Variants in TMEM170B observed in about 807,000 individuals in gnomAD.
TMEM170B encodes the protein transmembrane protein 170B.
In TMEM170B, 6 loss-of-function variants were observed where a neutral mutation model predicts 13.0. The ratio of observed to expected loss-of-function variants is 0.46; its 90% CI spans 0.25 to 0.91. TMEM170B has a LOEUF of 0.91. Ranked by LOEUF, TMEM170B falls within the 40% of genes least tolerant of loss-of-function variation. The pLI is 0.17. For synonymous variants in TMEM170B, 61 were observed against 64.9 expected, an observed-to-expected ratio of 0.94 and a Z score of 0.29; for missense variants, 138 against 165.2, an observed-to-expected ratio of 0.84 and a Z score of 0.90.
At chr6:11,557,437 G>A (rs1267361837) in intron 1 of TMEM170B, among the ~76,000 whole-genome samples, 1 of 151,998 alleles carries the variant, frequency 6.6e-6, no homozygotes, top group Non-Finnish European at 1.5e-5. Flanking sequence ...GTTGGGTGTA[G>A]CAAACCACCA....
At chr6:11,573,406 G>A (rs1167547155) in intron 2 of TMEM170B, among the ~76,000 whole-genome samples, 7 of 152,018 alleles carry the variant, frequency 4.6e-5, no homozygotes, top group African/African-American at 9.7e-5. Context: ...CTACTATGAC[G>A]ACTACTAGCC....
At chr6:11,549,016 AT>A (rs1350272832) in intron 1 of TMEM170B, among the ~76,000 whole-genome samples, 6 of 152,198 alleles carry the variant, frequency 3.9e-5, no homozygotes, top group African/African-American at 1.4e-4. Context: ...TGGCATATGT[AT>A]ACATATGTAA....
At chr6:11,550,769 C>T (rs1437020401) in intron 1 of TMEM170B, among the ~76,000 whole-genome samples, 5 of 152,122 alleles carry the variant, frequency 3.3e-5, no homozygotes. Flanking sequence ...CCCTTGCTTA[C>T]GGAGTGTCTA....
At chr6:11,553,821 A>C (rs112256031) in intron 1 of TMEM170B, among the ~76,000 whole-genome samples, 3 of 152,320 alleles carry the variant, frequency 2.0e-5, no homozygotes, top group African/African-American at 7.2e-5. Context: ...GTTTAGAACC[A>C]AGAAAATCTT....
chr6:11,549,048 A>T (rs931764086), intron 1 of TMEM170B, among the ~76,000 whole-genome samples: 11 of 152,176 alleles, frequency 7.2e-5, no homozygotes, highest in Non-Finnish European at 1.3e-4. Flanking sequence ...CGTTGTGCAC[A>T]TGTACCCTAG....
In TMEM170B at chr6:11,577,830, G is replaced by A. The variant is rs1210572069; in HGVS notation, c.*2269G>A. On this transcript the variant is annotated 3_prime_UTR_variant, in exon 3 of 3. Coordinates refer to ENST00000379426, the MANE Select transcript of TMEM170B (RefSeq NM_001100829.3). Reference sequence around the variant, plus strand: ...GTGTATGTGTATACTTTTAATTTTAGGGGTTATTTTTGGTTTCTTTGCTGT... The same window carrying A: ...GTGTATGTGTATACTTTTAATTTTAAGGGTTATTTTTGGTTTCTTTGCTGT... The A allele has an allele frequency of 6.6e-6, 1 of 151,982 alleles. No homozygotes were observed. Among genetic ancestry groups the A allele is most frequent in the Non-Finnish European group, 1.5e-5 (1 of 67,946 alleles). 9.4% of individuals were successfully genotyped at this position (151,982 alleles called of 1,614,324 possible). A position where few individuals can be genotyped will look rare whatever the true frequency, so the allele number is the denominator to read the frequency against.
intron 1 of TMEM170B, among the ~76,000 whole-genome samples, chr6:11,551,187 T>G (rs888298820): frequency 2.0e-5 from 3 of 152,138 alleles, no homozygotes; most frequent in African/African-American, 7.2e-5. Flanking sequence ...ATAGGGCTAC[T>G]CACAACTGTT....
chr6:11,555,853 C>A (rs950253962), intron 1 of TMEM170B, among the ~76,000 whole-genome samples: 4 of 149,660 alleles, frequency 2.7e-5, no homozygotes, highest in Non-Finnish European at 5.9e-5. Flanking sequence ...TTGAAAAAGT[C>A]TCACTAAAGA....
At chr6:11,547,385 G>C (rs138096433) in intron 1 of TMEM170B, among the ~76,000 whole-genome samples, 2 of 152,084 alleles carry the variant, frequency 1.3e-5, no homozygotes, top group Admixed American at 6.5e-5. Context: ...CTTCCTAAAT[G>C]CTGTATTATA....
intron 1 of TMEM170B, among the ~76,000 whole-genome samples, chr6:11,563,030 T>A (rs1759690152): frequency 6.6e-6 from 1 of 152,150 alleles, no homozygotes; most frequent in South Asian, 2.1e-4. Context: ...GGTAAAAACA[T>A]AACTGATGAA....
chr6:11,571,926 G>A (rs1759809496), intron 2 of TMEM170B, among the ~76,000 whole-genome samples: 1 of 152,088 alleles, frequency 6.6e-6, no homozygotes, highest in Non-Finnish European at 1.5e-5. Context: ...AATAATATGT[G>A]AAGAGAAACT....
intron 1 of TMEM170B, among the ~76,000 whole-genome samples, chr6:11,552,408 C>T (rs1759536673): frequency 6.6e-6 from 1 of 152,138 alleles, no homozygotes; most frequent in African/African-American, 2.4e-5. Flanking sequence ...ATTATCCTTA[C>T]TAAATTATAA....
chr6:11,538,258 G>T lies in TMEM170B; in HGVS notation c.-20G>T. 7.7e-7 allele frequency: 1 copy of T among 1,300,620 alleles called. No homozygotes were observed. The highest frequency in any genetic ancestry group is 9.8e-7 in the Non-Finnish European group (1 of 1,018,894). The allele number at this position is 1,300,620 out of a possible 1,614,324, so 80.6% of individuals were successfully genotyped here. On this transcript the variant is annotated 5_prime_UTR_variant, in exon 1 of 3. Coordinates refer to ENST00000379426, the MANE Select transcript of TMEM170B (RefSeq NM_001100829.3). Reference sequence around the variant, plus strand: ...CCGCCCGGCACCCGAGGAGAGGGCGGCGGGCGCCCCTCGGGGAAGATGAAG... The same window carrying T: ...CCGCCCGGCACCCGAGGAGAGGGCGTCGGGCGCCCCTCGGGGAAGATGAAG...
intron 2 of TMEM170B, among the ~76,000 whole-genome samples, chr6:11,572,303 G>A (rs539855113): frequency 9.9e-5 from 15 of 152,240 alleles, no homozygotes; most frequent in African/African-American, 3.6e-4. Flanking sequence ...ATAAATTGTG[G>A]TATATTCATA....
rs1326196888 is a variant in TMEM170B, at chr6:11,582,516, A to G, written c.*6955A>G. 2.8e-5 allele frequency: 3 copies of G among 106,184 alleles called. No individual in the cohort carries two copies. Among genetic ancestry groups the G allele is most frequent in the Non-Finnish European group, 4.6e-5 (2 of 43,338 alleles). The allele number at this position is 106,184 out of a possible 1,614,324, so 6.6% of individuals were successfully genotyped here. A position where few individuals can be genotyped will look rare whatever the true frequency, so the allele number is the denominator to read the frequency against. Reference sequence around the variant, plus strand: ...GTGACAGATGACAGCTACTTTCACTATATTTTCATGATGTGGTATTTTTCT... The same window carrying G: ...GTGACAGATGACAGCTACTTTCACTGTATTTTCATGATGTGGTATTTTTCT... On this transcript the variant is annotated 3_prime_UTR_variant, in exon 3 of 3. Coordinates refer to ENST00000379426, the MANE Select transcript of TMEM170B (RefSeq NM_001100829.3).
chr6:11,558,137 A>G (rs976342568), intron 1 of TMEM170B, among the ~76,000 whole-genome samples: 17 of 152,120 alleles, frequency 1.1e-4, no homozygotes, highest in African/African-American at 3.6e-4. Flanking sequence ...CCACTTTTCC[A>G]TATCTACCAC....
intron 1 of TMEM170B, among the ~76,000 whole-genome samples, chr6:11,542,668 T>G (rs892049593): frequency 5.3e-5 from 8 of 152,226 alleles, no homozygotes; most frequent in African/African-American, 1.9e-4. Context: ...TGGCAGTCTA[T>G]AAGTGATAAT....
At chr6:11,542,103 A>G (rs1453706784) in intron 1 of TMEM170B, among the ~76,000 whole-genome samples, 1 of 152,206 alleles carries the variant, frequency 6.6e-6, no homozygotes, top group Admixed American at 6.5e-5. Flanking sequence ...GAAAAATGGT[A>G]CTGATAGACT....
At chr6:11,541,314 C>T (rs1451984078) in intron 1 of TMEM170B, among the ~76,000 whole-genome samples, 1 of 152,230 alleles carries the variant, frequency 6.6e-6, no homozygotes, top group Non-Finnish European at 1.5e-5. Context: ...TAGCCACCTT[C>T]ATCAGTTAGC....
Sources: gnomAD v4.1 joint callset for allele counts (sites outside exome capture counted in the v4.1 genomes callset) on GRCh38, gnomAD v4.1.1 for gene constraint, MANE v1.5 for transcripts, NCBI Gene and HGNC (gene_info 2026-07-23, HGNC 2026-07-21) for gene names.